The following LRRC4C variants were observed in gnomAD, a reference collection of about 807,000 sequenced individuals.
The protein encoded by LRRC4C is leucine rich repeat containing 4C.
In LRRC4C, 5 loss-of-function variants were observed where a neutral mutation model predicts 33.6. The observed-to-expected ratio is 0.15, with a 90% CI of 0.08 to 0.31. LRRC4C has a LOEUF of 0.31. Among genes scored for constraint, LRRC4C ranks in the 10% least tolerant of loss-of-function variants. The pLI is 1.00. For synonymous variants in LRRC4C, 329 were observed against 302.0 expected (o/e 1.09, Z -0.93); for missense variants, 560 against 796.7 (o/e 0.70, Z 3.58).
intron 2 of LRRC4C, among the ~76,000 whole-genome samples, chr11:40,688,374 C>T (rs1945064255): frequency 6.6e-6 from 1 of 152,142 alleles, no homozygotes; most frequent in South Asian, 2.1e-4. Flanking sequence ...TTCTAAAGAA[C>T]AAGAAAAAGA....
chr11:41,033,171 G>A (rs1856827288), intron 1 of LRRC4C, among the ~76,000 whole-genome samples: 1 of 151,830 alleles, frequency 6.6e-6, no homozygotes, highest in Admixed American at 6.6e-5. Flanking sequence ...GCTCCTCAAG[G>A]GGAATATTGA....
intron 2 of LRRC4C, among the ~76,000 whole-genome samples, chr11:40,665,826 G>C (rs1943776557): frequency 6.6e-6 from 1 of 151,978 alleles, no homozygotes; most frequent in Non-Finnish European, 1.5e-5. Flanking sequence ...AGATTAGCCA[G>C]TCAATTTAGC....
At chr11:40,335,018 A>G (rs999570973) in intron 3 of LRRC4C, among the ~76,000 whole-genome samples, 7 of 152,308 alleles carry the variant, frequency 4.6e-5, no homozygotes, top group Non-Finnish European at 1.0e-4. Flanking sequence ...AACTTTTAAA[A>G]TAACTAAGCA....
chr11:40,723,726 C>T (rs1947144166), intron 2 of LRRC4C, among the ~76,000 whole-genome samples: 1 of 152,134 alleles, frequency 6.6e-6, no homozygotes, highest in Non-Finnish European at 1.5e-5. Context: ...AACCAGCTAA[C>T]ACCATCATGA....
At chr11:41,109,171 G>A (rs1254303368) in intron 1 of LRRC4C, among the ~76,000 whole-genome samples, 1 of 151,816 alleles carries the variant, frequency 6.6e-6, no homozygotes, top group Admixed American at 6.6e-5. Context: ...AAAAAATAAA[G>A]TTCTTCCAGT....
In LRRC4C at chr11:41,457,570, A is replaced by T. The variant is rs1369502074; in HGVS notation, c.-496+1861T>A. Among the ~76,000 whole-genome samples the T allele has an allele frequency of 2.0e-5, 3 of 152,184 alleles. No homozygotes were observed. In the East Asian group the frequency reaches 5.8e-4, roughly 29 times the overall value. On this transcript the variant is annotated intron_variant, in intron 1 of 6. Coordinates refer to ENST00000528697, the MANE Select transcript of LRRC4C (RefSeq NM_001258419.2). ...ACCTCAGATTGTTTTTTCCATAAAG[A>T]AAATAAAATTTTGTTTAGGGTTTCT...
intron 4 of LRRC4C, among the ~76,000 whole-genome samples, chr11:40,304,646 A>G (rs145707329): frequency 6.6e-6 from 1 of 152,240 alleles, no homozygotes; most frequent in Non-Finnish European, 1.5e-5. Flanking sequence ...ATCTTATTAT[A>G]CCAGAAATAA....
chr11:40,458,086 C>T lies in LRRC4C; in HGVS notation c.-269-138365G>A, dbSNP rs141088478. 7.3e-3 allele frequency among the ~76,000 whole-genome samples: 1,104 copies of T among 152,196 alleles called. 8 individuals are homozygous for T. The highest frequency in any genetic ancestry group is 0.022 in the South Asian group (104 of 4,820). On this transcript the variant is annotated intron_variant, in intron 3 of 6. Coordinates refer to ENST00000528697, the MANE Select transcript of LRRC4C (RefSeq NM_001258419.2). Reference sequence around the variant, plus strand: ...ATGGCAGAGAATGTCTTTCTTTACTCGTTTCTGAAAGGCTAGGAGGTATTA... The same window carrying T: ...ATGGCAGAGAATGTCTTTCTTTACTTGTTTCTGAAAGGCTAGGAGGTATTA...
At chr11:40,144,274 T>A (rs766111895) in intron 5 of LRRC4C, among the ~76,000 whole-genome samples, 2 of 152,230 alleles carry the variant, frequency 1.3e-5, no homozygotes, top group African/African-American at 2.4e-5. Context: ...ATTATATGTA[T>A]TTTTCTAAAT....
chr11:40,921,663 T>C (rs1957185247), intron 2 of LRRC4C, among the ~76,000 whole-genome samples: 1 of 152,186 alleles, frequency 6.6e-6, no homozygotes, highest in African/African-American at 2.4e-5. Context: ...GAGGTACATA[T>C]GACATTTTGA....
At chr11:40,807,620 G>A (rs2135351737) in intron 2 of LRRC4C, among the ~76,000 whole-genome samples, 1 of 152,334 alleles carries the variant, frequency 6.6e-6, no homozygotes, top group East Asian at 1.9e-4. Context: ...AAATGGAGCT[G>A]TCATCCAAAG....
intron 1 of LRRC4C, among the ~76,000 whole-genome samples, chr11:41,183,174 C>T (rs1322349875): frequency 6.6e-6 from 1 of 151,956 alleles, no homozygotes; most frequent in Non-Finnish European, 1.5e-5. Flanking sequence ...TCATTCTGCC[C>T]CTGGCCCCTC....
At chr11:40,173,010 T>C (rs1380066101) in intron 5 of LRRC4C, among the ~76,000 whole-genome samples, 3 of 152,140 alleles carry the variant, frequency 2.0e-5, no homozygotes, top group Non-Finnish European at 2.9e-5. Flanking sequence ...GAGACGGCAG[T>C]CATGAGACTG....
intron 2 of LRRC4C, among the ~76,000 whole-genome samples, chr11:40,856,514 C>G (rs569732833): frequency 3.3e-5 from 5 of 152,152 alleles, no homozygotes; most frequent in Non-Finnish European, 1.5e-5. Context: ...TTCCTTAATG[C>G]ATTTATATAT....
chr11:40,562,093 T>C (rs1957572210), intron 3 of LRRC4C, among the ~76,000 whole-genome samples: 1 of 152,342 alleles, frequency 6.6e-6, no homozygotes, highest in Admixed American at 6.5e-5. Flanking sequence ...GTGCTAGAAG[T>C]ACAATGATTT....
intron 1 of LRRC4C, among the ~76,000 whole-genome samples, chr11:41,338,200 C>G (rs185321054): frequency 6.6e-6 from 1 of 152,142 alleles, no homozygotes; most frequent in African/African-American, 2.4e-5. Context: ...TGGGTATATA[C>G]CCAGAGGAAT....
At chr11:41,373,396 T>C (rs1395422) in intron 1 of LRRC4C, among the ~76,000 whole-genome samples, 58,768 of 152,026 alleles carry the variant, frequency 0.39, 13,036 homozygotes, top group Non-Finnish European at 0.49. Flanking sequence ...ATGTAGTACA[T>C]TGTAAAACTG....
At chr11:40,596,116 G>A (rs1464946856) in intron 3 of LRRC4C, among the ~76,000 whole-genome samples, 1 of 152,116 alleles carries the variant, frequency 6.6e-6, no homozygotes, top group Non-Finnish European at 1.5e-5. Flanking sequence ...AATTACAGAT[G>A]AAAAACAATG....
intron 1 of LRRC4C, among the ~76,000 whole-genome samples, chr11:40,995,126 CTTGA>C (rs1853877316): frequency 6.6e-6 from 1 of 151,942 alleles, no homozygotes; most frequent in Non-Finnish European, 1.5e-5. Flanking sequence ...ATTTTTTTCT[CTTGA>C]TTGATTGTCA....
Sources: gnomAD v4.1 joint callset for allele counts (sites outside exome capture counted in the v4.1 genomes callset) on GRCh38, gnomAD v4.1.1 for gene constraint, MANE v1.5 for transcripts, NCBI Gene and HGNC (gene_info 2026-07-23, HGNC 2026-07-21) for gene names.